The following GPR108 variants were observed in gnomAD, a reference collection of about 807,000 sequenced individuals.
GPR108 encodes G protein-coupled receptor 108, also known as protein GPR108.
In GPR108, 60 loss-of-function variants were observed where a neutral mutation model predicts 74.3. The observed-to-expected ratio is 0.81, with a 90% CI of 0.66 to 1.00. GPR108 has a LOEUF of 1.00. Ranked by LOEUF, GPR108 falls within the 50% of genes least tolerant of loss-of-function variation. The probability of loss-of-function intolerance (pLI) is 0.00; values close to 1 mark genes in which losing one functional copy is unlikely to be tolerated. For synonymous variants in GPR108, 311 were observed against 292.4 expected (o/e 1.06, Z -0.65); for missense variants, 667 against 703.3 (o/e 0.95, Z 0.58).
intron 11 of GPR108, 44 bp downstream of exon 11, chr19:6,732,432 T>G: frequency 1.9e-6 from 3 of 1,611,374 alleles, no homozygotes; most frequent in Non-Finnish European, 2.5e-6. Context: ...AACCCTCCCC[T>G]GCCTGCCTCC....
intron 1 of GPR108, 102 bp downstream of exon 1, chr19:6,737,355 C>G: frequency 7.3e-7 from 1 of 1,365,784 alleles, no homozygotes; most frequent in African/African-American, 1.5e-5. Context: ...CACTCCACCG[C>G]CTCGGGGACG....
intron 14 of GPR108, among the ~76,000 whole-genome samples, 167 bp downstream of exon 14, chr19:6,731,724 G>A (rs1003679397): frequency 2.0e-5 from 3 of 151,918 alleles, no homozygotes; most frequent in Non-Finnish European, 4.4e-5. Flanking sequence ...GGGCAGAGAG[G>A]CCAGATAAAG....
intron 10 of GPR108, 55 bp from the exon 11 acceptor site, chr19:6,732,604 T>C (rs2047139): frequency 0.5 from 660,582 of 1,333,118 alleles, 168,213 homozygotes; most frequent in East Asian, 0.74. Flanking sequence ...GGGAGGCTGA[T>C]GGTGGTGGTG....
At chr19:6,735,832 G>C in intron 3 of GPR108, 76 bp downstream of exon 3, 1 of 1,543,160 alleles carries the variant, frequency 6.5e-7, no homozygotes, top group Non-Finnish European at 8.9e-7. Flanking sequence ...GGGGCCCTTG[G>C]GTTACAGATG....
intron 11 of GPR108, 22 bp downstream of exon 11, chr19:6,732,454 C>T (rs773972270): frequency 6.2e-7 from 1 of 1,612,252 alleles, no homozygotes; most frequent in Admixed American, 1.7e-5. Context: ...CCCAGCTGCC[C>T]AGCAGAGTGG....
rs200174241 is a variant in GPR108, at chr19:6,732,961, G to A, written c.933+26C>T. 92 of 1,533,392 alleles carry A rather than the reference G, an allele frequency of 6.0e-5. No homozygotes were observed. In the East Asian group the frequency reaches 1.0e-3, roughly 17 times the overall value. 95.0% of individuals were successfully genotyped at this position (1,533,392 alleles called of 1,614,324 possible). A position where few individuals can be genotyped will look rare whatever the true frequency, so the allele number is the denominator to read the frequency against. ...GGGTGGGCCTTTCAGCCCACCCCCC[G>A]CTGCTCCCCGGTCCAAGGCTCTCAC... On this transcript the variant is annotated intron_variant, in intron 10 of 17. Coordinates refer to ENST00000264080, the MANE Select transcript of GPR108 (RefSeq NM_001080452.2).
chr19:6,730,649 T>C (rs1599537302), intron 17 of GPR108: 1 of 293,860 alleles, frequency 3.4e-6, no homozygotes, highest in Non-Finnish European at 6.0e-6. Context: ...CCCGCCCACC[T>C]TACTGCCATA....
intron 17 of GPR108, 62 bp downstream of exon 17, chr19:6,730,925 G>T: frequency 2.3e-6 from 2 of 882,902 alleles, no homozygotes; most frequent in Non-Finnish European, 3.4e-6. Flanking sequence ...CCTGCCCGTA[G>T]AGCTGCCCAC....
intron 1 of GPR108, chr19:6,736,982 T>C: frequency 2.1e-6 from 1 of 471,454 alleles, no homozygotes; most frequent in South Asian, 2.5e-5. Context: ...CGGAGAACAG[T>C]TATTCACCTC....
rs191648389 is a variant in GPR108, at chr19:6,732,539, T to C, written c.944A>G (p.Tyr315Cys). Residue 315 changes from tyrosine to cysteine, a missense_variant, in exon 11 of 18, where the codon TAC (tyrosine) becomes TGC (cysteine). By Grantham distance (194) the Tyr-to-Cys change is radical. Transcript: ENST00000264080. ...ISLLFHSINY[Y>C]FINSQGHPIE... ...GGGGTGGCCCTGGCTGTTGATGAAG[T>C]AGTAGTTGATCTGGGGGTGGATGGA... is the stretch of plus-strand genomic sequence containing the variant. 39 of 1,612,542 alleles carry C rather than the reference T, an allele frequency of 2.4e-5. No individual in the cohort carries two copies. Among genetic ancestry groups the C allele is most frequent in the Non-Finnish European group, 3.1e-5 (37 of 1,179,738 alleles).
chr19:6,735,587 G>A (rs1599547580), intron 4 of GPR108, 35 bp downstream of exon 4: 7 of 1,579,352 alleles, frequency 4.4e-6, no homozygotes, highest in East Asian at 4.5e-5. Flanking sequence ...AAACGCAGAC[G>A]AAGGATCTGA....
At chr19:6,733,516 C>T (rs1292391352) in intron 8 of GPR108, 54 bp downstream of exon 8, 15 of 1,542,884 alleles carry the variant, frequency 9.7e-6, no homozygotes, top group African/African-American at 1.4e-5. Flanking sequence ...ACTCTGGGCC[C>T]GCAGTGGCCT....
At position 6,734,275 on chromosome 19, in the gene GPR108, G is replaced by A. The variant is rs201107632; in HGVS notation, c.407C>T (p.Thr136Met). Residue 136 changes from threonine to methionine, a missense_variant, in exon 5 of 18, where the codon ACG becomes ATG. Thr to Met is a moderately conservative substitution (Grantham distance 81). Coordinates refer to ENST00000264080, the MANE Select transcript of GPR108 (RefSeq NM_001080452.2). ...VQVRKYGEQKTLFIFPGLLPE... is the reference protein window; with the variant it reads ...VQVRKYGEQKMLFIFPGLLPE... ...GAGGAGCCCGGGAAAGATAAACAAC[G>A]TCTTCTGCTCTCCATACTTCCGCAC... 116 of 1,613,990 alleles carry A rather than the reference G, an allele frequency of 7.2e-5. No individual in the cohort carries two copies. Among genetic ancestry groups the A allele is most frequent in the African/African-American group, 6.7e-4 (50 of 75,034 alleles).
intron 4 of GPR108, chr19:6,735,378 C>A: frequency 2.1e-6 from 1 of 473,108 alleles, no homozygotes; most frequent in Non-Finnish European, 3.8e-6. Context: ...TCAACATGTG[C>A]GAACAATTGT....
In GPR108 at chr19:6,734,000, G is replaced by A. The variant is rs1184703112; in HGVS notation, c.549+5C>T. The A allele has an allele frequency of 1.9e-6, 3 of 1,614,188 alleles. No homozygotes were observed. Among genetic ancestry groups the A allele is most frequent in the South Asian group, 1.1e-5 (1 of 91,080 alleles). On this transcript the variant is annotated splice_donor_5th_base_variant and intron_variant, in intron 6 of 17. Coordinates refer to ENST00000264080, the MANE Select transcript of GPR108 (RefSeq NM_001080452.2). ...ATCTTCCCTCCTGCCCCGCCTCCCCGAAACCTGAATCACTGCGGGTGTTGA... is the reference window on the plus strand; with the variant it reads ...ATCTTCCCTCCTGCCCCGCCTCCCCAAAACCTGAATCACTGCGGGTGTTGA...
rs1264707822 is a variant in GPR108, at chr19:6,732,342, A to G, written c.1046T>C (p.Ile349Thr). 4 of 1,613,520 alleles carry G rather than the reference A, an allele frequency of 2.5e-6. No homozygotes were observed. The highest frequency in any genetic ancestry group is 2.2e-5 in the South Asian group (2 of 91,092). Residue 349 changes from isoleucine (I) to threonine (T), a missense_variant, in exon 12 of 18, where the codon ATT (isoleucine) becomes ACT (threonine). Transcript: ENST00000264080. ...CTTGATGAAGGCCCAGCCTGAGCCA[A>G]TCAGGGCGATGGTGATGAAGAGGAG... ...GALLFITIAL[I>T]GSGWAFIKYV...
Position 6,732,285 on chromosome 19 carries a change from A to C in GPR108, c.1103T>G (p.Phe368Cys), listed in dbSNP as rs776212848. The part of the protein sequence containing the change: ...YVLSDKEKKV[F>C]GIVIPMQVLA... ...CACCTGCATGGGGATCACGATCCCA[A>C]AGACCTTCTTCTCCTTATCCGACAG... The change falls in exon 12 of 18, where the codon TTT (phenylalanine) becomes TGT (cysteine). Residue 368 changes from phenylalanine to cysteine, a missense_variant. Physicochemically the swap from Phe to Cys is radical, Grantham distance 205. Coordinates refer to ENST00000264080, the MANE Select transcript of GPR108 (RefSeq NM_001080452.2). 6.2e-7 allele frequency: 1 copy of C among 1,612,784 alleles called. No individual in the cohort carries two copies. Among genetic ancestry groups the C allele is most frequent in the Admixed American group, 1.7e-5 (1 of 60,032 alleles).
At chr19:6,733,739 T>C (rs1968518399) in intron 7 of GPR108, 65 bp from the exon 8 acceptor site, 3 of 1,580,182 alleles carry the variant, frequency 1.9e-6, no homozygotes, top group African/African-American at 2.7e-5. Context: ...GACAATCAGC[T>C]TGGGGGTCCC....
chr19:6,734,166 C>G lies in GPR108; in HGVS notation c.499+17G>C, dbSNP rs776682091. 1.2e-5 allele frequency: 20 copies of G among 1,614,194 alleles called. No homozygotes were observed. The East Asian group carries it at 4.2e-4, about 34-fold the overall frequency. ...ACCTGCCCATCCACCCCCGTCTGCA[C>G]AGCCAGCCTGACTCACCGCCATCCA... On this transcript the variant is annotated intron_variant, in intron 5 of 17. Transcript: ENST00000264080.
Sources: gnomAD v4.1 joint callset for allele counts (sites outside exome capture counted in the v4.1 genomes callset) on GRCh38, gnomAD v4.1.1 for gene constraint, MANE v1.5 for transcripts, NCBI Gene and HGNC (gene_info 2026-07-23, HGNC 2026-07-21) for gene names.